The following SLF1 variants were observed in gnomAD, a reference collection of about 807,000 sequenced individuals.
SLF1 encodes the protein SMC5/6 complex localization factor 1, also known as SMC5-SMC6 complex localization factor protein 1.
A neutral mutation model predicts 123.0 loss-of-function variants in SLF1; 105 were observed. The ratio of observed to expected loss-of-function variants is 0.85; its 90% confidence interval spans 0.73 to 1.00. SLF1 has a LOEUF of 1.00. SLF1 is among the 50% of genes least tolerant of loss of function. SLF1 has a pLI of 0.00. For synonymous variants in SLF1, 434 were observed against 406.6 expected (o/e 1.07, Z -0.81); for missense variants, 1,239 against 1,223.0 (o/e 1.01, Z -0.20).
At chr5:94,686,330 C>A (rs1752429385) in intron 15 of SLF1, among the ~76,000 whole-genome samples, 1 of 152,042 alleles carries the variant, frequency 6.6e-6, no homozygotes, top group Admixed American at 6.6e-5. Flanking sequence ...AGACTTGTAT[C>A]TGAAATAATC....
chr5:94,694,770 G>A, intron 20 of SLF1, 61 bp from the exon 21 acceptor site: 1 of 1,508,736 alleles, frequency 6.6e-7, no homozygotes, highest in Non-Finnish European at 8.8e-7. Flanking sequence ...GGAGAAAAGA[G>A]CTGTTAAGCT....
chr5:94,626,096 A>G (rs909399332), intron 1 of SLF1, among the ~76,000 whole-genome samples: 1 of 139,144 alleles, frequency 7.2e-6, no homozygotes, highest in Non-Finnish European at 1.6e-5. Flanking sequence ...TACTAAAAAT[A>G]CAAAAAAAAA....
chr5:94,676,620 C>T (rs1206220438), intron 14 of SLF1, among the ~76,000 whole-genome samples: 1 of 152,164 alleles, frequency 6.6e-6, no homozygotes, highest in Non-Finnish European at 1.5e-5. Context: ...ATCTCCTCAG[C>T]CCCACACTTG....
At chr5:94,641,444 TC>T (rs1746438720) in intron 4 of SLF1, among the ~76,000 whole-genome samples, 1 of 152,190 alleles carries the variant, frequency 6.6e-6, no homozygotes, top group Non-Finnish European at 1.5e-5. Flanking sequence ...TACCAAGTCT[TC>T]AGTATTCTGT....
intron 1 of SLF1, among the ~76,000 whole-genome samples, chr5:94,621,903 CACAT>C (rs1236352606): frequency 2.7e-5 from 4 of 146,660 alleles, no homozygotes; most frequent in Admixed American, 6.9e-5. Flanking sequence ...CACACACACA[CACAT>C]ACACACGTGC....
chr5:94,636,509 A>AT (rs1472433829), intron 4 of SLF1, among the ~76,000 whole-genome samples: 1 of 151,852 alleles, frequency 6.6e-6, no homozygotes, highest in East Asian at 1.9e-4. Flanking sequence ...GAACTCACTG[A>AT]TTCTTTCCTC....
At chr5:94,678,366 A>G (rs1275244944) in intron 14 of SLF1, 1 of 152,676 alleles carries the variant, frequency 6.5e-6, no homozygotes, top group Non-Finnish European at 1.5e-5. Flanking sequence ...GGGTTTCTCA[A>G]GTCTTTCTGG....
At position 94,692,274 on chromosome 5, in the gene SLF1, A is replaced by G. The variant is rs1367250326; in HGVS notation, c.2695+18A>G. On this transcript the variant is annotated intron_variant, in intron 20 of 20. Coordinates refer to ENST00000265140, the MANE Select transcript of SLF1 (RefSeq NM_032290.4). ...GCATGGGGGTGAGTGTGTTTATGCT[A>G]AATGGGTTTTGATAAATTATCCAGT... 6.2e-6 allele frequency: 10 copies of G among 1,600,684 alleles called. No homozygotes were observed. The highest frequency in any genetic ancestry group is 7.7e-6 in the Non-Finnish European group (9 of 1,171,890).
At chr5:94,688,402 A>G (rs1752693889) in intron 16 of SLF1, 104 bp from the exon 17 acceptor site, 9 of 1,224,008 alleles carry the variant, frequency 7.4e-6, no homozygotes, top group Non-Finnish European at 1.0e-5. Flanking sequence ...ATAGTGATGC[A>G]ACCAAGAAAA....
In SLF1 at chr5:94,665,997, C is replaced by T. The variant is rs1749711138; in HGVS notation, c.1505C>T (p.Ala502Val). The change falls in exon 12 of 21, where the codon GCA (alanine) becomes GTA (valine). Residue 502 changes from alanine to valine, a missense_variant. Ala to Val is a moderately conservative substitution (Grantham distance 64, BLOSUM62 0). Coordinates refer to ENST00000265140, the MANE Select transcript of SLF1 (RefSeq NM_032290.4). ...CAGTGTCCAACTTGTATGAAAGGAG[C>T]ATGGTCTTTAGTAGAAGTCCTTATC... is the stretch of plus-strand genomic sequence containing the variant. The part of the protein sequence containing the change: ...LFQCPTCMKG[A>V]WSLVEVLIRS... 1.3e-6 allele frequency: 2 copies of T among 1,550,768 alleles called. No homozygotes were observed. Among genetic ancestry groups the T allele is most frequent in the Non-Finnish European group, 1.7e-6 (2 of 1,146,790 alleles).
chr5:94,674,798 G>A (rs1750857386), intron 14 of SLF1, among the ~76,000 whole-genome samples: 1 of 152,238 alleles, frequency 6.6e-6, no homozygotes, highest in South Asian at 2.1e-4. Context: ...GAGGTGGGCT[G>A]TGTCAAGGTT....
At chr5:94,643,723 T>C (rs1031187507) in intron 5 of SLF1, among the ~76,000 whole-genome samples, 1 of 152,074 alleles carries the variant, frequency 6.6e-6, no homozygotes, top group Admixed American at 6.6e-5. Context: ...TATGAGAATT[T>C]GGGGGTTATT....
chr5:94,653,426 A>G lies in SLF1; in HGVS notation c.1032+5A>G. On this transcript the variant is annotated splice_donor_5th_base_variant and intron_variant, in intron 8 of 20. Transcript: ENST00000265140. ...CACATATATAATAGAGATCAGGTAA[A>G]GTTTGTAAGCTAAGCTATAGCTTTC... 1.3e-6 allele frequency: 2 copies of G among 1,486,386 alleles called. No individual in the cohort carries two copies. The highest frequency in any genetic ancestry group is 2.7e-5 in the East Asian group (1 of 36,916). The allele number at this position is 1,486,386 out of a possible 1,614,324, so 92.1% of individuals were successfully genotyped here. A position where few individuals can be genotyped will look rare whatever the true frequency, so the allele number is the denominator to read the frequency against.
chr5:94,662,471 C>T, intron 10 of SLF1, 120 bp downstream of exon 10: 1 of 731,614 alleles, frequency 1.4e-6, no homozygotes, highest in Non-Finnish European at 2.0e-6. Context: ...GTATTATATG[C>T]ACAAATAAAG....
Position 94,671,013 on chromosome 5 carries a change from G to A in SLF1, c.1827+5G>A. ...GAAAAATTCAAGTCTAATGATGTAAGTAGGATTAATTTATAGATGAATAGT... is the reference window on the plus strand; with the variant it reads ...GAAAAATTCAAGTCTAATGATGTAAATAGGATTAATTTATAGATGAATAGT... On this transcript the variant is annotated splice_donor_5th_base_variant and intron_variant, in intron 14 of 20. Coordinates refer to ENST00000265140, the MANE Select transcript of SLF1 (RefSeq NM_032290.4). 6.6e-7 allele frequency: 1 copy of A among 1,508,660 alleles called. No individual in the cohort carries two copies. The highest frequency in any genetic ancestry group is 9.0e-7 in the Non-Finnish European group (1 of 1,112,744). 93.5% of individuals were successfully genotyped at this position (1,508,660 alleles called of 1,614,324 possible). A position where few individuals can be genotyped will look rare whatever the true frequency, so the allele number is the denominator to read the frequency against.
At chr5:94,666,106 A>C in intron 12 of SLF1, 82 bp downstream of exon 12, 2 of 1,270,802 alleles carry the variant, frequency 1.6e-6, no homozygotes, top group Non-Finnish European at 2.1e-6. Context: ...CTGATGAAAG[A>C]AGTATCTTTC....
At chr5:94,624,772 A>G (rs1487729141) in intron 1 of SLF1, among the ~76,000 whole-genome samples, 1 of 152,052 alleles carries the variant, frequency 6.6e-6, no homozygotes, top group African/African-American at 2.4e-5. Flanking sequence ...AAGATTTTAG[A>G]CTTTTTAAAA....
At chr5:94,688,469 G>A in intron 16 of SLF1, 37 bp from the exon 17 acceptor site, 2 of 1,586,158 alleles carry the variant, frequency 1.3e-6, no homozygotes, top group Non-Finnish European at 1.7e-6. Flanking sequence ...TGCTGTTTTT[G>A]TAGTTGAGAA....
chr5:94,628,908 C>T lies in SLF1; in HGVS notation c.98C>T (p.Thr33Ile), dbSNP rs548438279. 41 of 1,545,104 alleles carry T rather than the reference C, an allele frequency of 2.7e-5. No homozygotes were observed. Among genetic ancestry groups the T allele is most frequent in the Non-Finnish European group, 3.3e-5 (38 of 1,144,002 alleles). ...AAATTACTTTTAAAACTAGATTGCACTTTTATTAAGAGTGAGGTAAGAAAC... is the reference window on the plus strand; with the variant it reads ...AAATTACTTTTAAAACTAGATTGCATTTTTATTAAGAGTGAGGTAAGAAAC... ...LVKLLLKLDC[T>I]FIKSEKYKNC... is the part of the protein sequence containing the mutation. Residue 33 changes from threonine to isoleucine, a missense_variant, in exon 2 of 21, where the codon ACT (threonine) becomes ATT (isoleucine). Coordinates refer to ENST00000265140, the MANE Select transcript of SLF1 (RefSeq NM_032290.4).
Sources: allele counts gnomAD v4.1 joint callset (sites outside exome capture counted in the v4.1 genomes callset), GRCh38; gene constraint gnomAD v4.1.1; transcripts MANE v1.5; gene names NCBI Gene and HGNC (gene_info 2026-07-23, HGNC 2026-07-21).